Variants in NUTF2 observed in about 807,000 individuals in gnomAD.
NUTF2 encodes the protein nuclear transport factor 2.
NUTF2 carries 3 observed loss-of-function variants against 18.5 expected under a neutral mutation model. That is an observed-to-expected ratio of 0.16 (90% CI 0.07 to 0.42). The LOEUF (loss-of-function observed/expected upper bound fraction) is 0.42. Among genes scored for constraint, NUTF2 ranks in the 10% least tolerant of loss-of-function variants. The probability of loss-of-function intolerance (pLI) is 0.99; values close to 1 mark genes in which losing one functional copy is unlikely to be tolerated. For missense variants in NUTF2, 44 were observed against 160.7 expected (o/e 0.27, Z 3.93); for synonymous variants, 51 against 57.9 (o/e 0.88, Z 0.54).
intron 1 of NUTF2, among the ~76,000 whole-genome samples, chr16:67,849,302 A>G (rs1402337757): frequency 6.6e-6 from 1 of 152,228 alleles, no homozygotes; most frequent in Non-Finnish European, 1.5e-5. Flanking sequence ...GCTATGGCGT[A>G]GTTTGCGTAT....
intron 1 of NUTF2, among the ~76,000 whole-genome samples, chr16:67,861,240 C>T (rs537796324): frequency 6.6e-6 from 1 of 152,334 alleles, no homozygotes; most frequent in Admixed American, 6.5e-5. Context: ...GGGGTTGACT[C>T]ACAGGGTGTG....
chr16:67,847,841 CG>C (rs2057818363), intron 1 of NUTF2: 1 of 152,242 alleles, frequency 6.6e-6, no homozygotes, highest in Non-Finnish European at 1.5e-5. Flanking sequence ...ACTTAATGCA[CG>C]GGAAGTAGAA....
chr16:67,848,106 C>T (rs996557926), intron 1 of NUTF2, among the ~76,000 whole-genome samples: 1 of 152,216 alleles, frequency 6.6e-6, no homozygotes, highest in Non-Finnish European at 1.5e-5. Flanking sequence ...ATCAGAGACC[C>T]TACTGAGTTC....
chr16:67,853,142 T>C (rs1317075960), intron 1 of NUTF2, among the ~76,000 whole-genome samples: 2 of 152,152 alleles, frequency 1.3e-5, no homozygotes, highest in African/African-American at 2.4e-5. Flanking sequence ...GGTATGGTGG[T>C]GGGTGCCTGT....
chr16:67,850,191 G>A (rs1375006773), intron 1 of NUTF2, among the ~76,000 whole-genome samples: 1 of 151,442 alleles, frequency 6.6e-6, no homozygotes, highest in Non-Finnish European at 1.5e-5. Context: ...CCAACCTCTA[G>A]AAGTTCCCTG....
chr16:67,856,021 T>A, intron 1 of NUTF2: 1 of 996,058 alleles, frequency 1.0e-6, no homozygotes, highest in Non-Finnish European at 1.6e-6. Flanking sequence ...TGAAGCGTAC[T>A]GTCTTGCTCA....
intron 1 of NUTF2, among the ~76,000 whole-genome samples, chr16:67,848,144 A>C (rs1470072181): frequency 6.6e-6 from 1 of 152,228 alleles, no homozygotes; most frequent in East Asian, 1.9e-4. Flanking sequence ...TTGACCAAAA[A>C]ATACTATCCT....
Position 67,868,615 on chromosome 16 carries a change from C to T in NUTF2, c.270+16C>T, listed in dbSNP as rs1252520041. ...CCAGCTTAAGGTAATGGTACTGCCA[C>T]AGTGGTAGGGAGGGGTGGGCAGGCA... On this transcript the variant is annotated intron_variant, in intron 4 of 4. Coordinates refer to ENST00000219169, the MANE Select transcript of NUTF2 (RefSeq NM_005796.3). 9 of 1,609,628 alleles carry T rather than the reference C, an allele frequency of 5.6e-6. No homozygotes were observed. The South Asian group carries it at 7.7e-5, about 14-fold the overall frequency.
chr16:67,858,435 G>A (rs1247470346), intron 1 of NUTF2, among the ~76,000 whole-genome samples: 1 of 152,194 alleles, frequency 6.6e-6, no homozygotes, highest in Non-Finnish European at 1.5e-5. Flanking sequence ...CCAAAGTGCT[G>A]GGATTACAGG....
intron 1 of NUTF2, among the ~76,000 whole-genome samples, chr16:67,857,987 C>T (rs924278103): frequency 1.3e-5 from 2 of 152,180 alleles, no homozygotes; most frequent in African/African-American, 2.4e-5. Context: ...CACTCATGCA[C>T]TTAGTCAACA....
At chr16:67,868,801 G>A (rs2057992349) in intron 4 of NUTF2, 3 of 485,984 alleles carry the variant, frequency 6.2e-6, no homozygotes, top group Non-Finnish European at 1.1e-5. Context: ...TAAATAAAAT[G>A]TACTTCTTCG....
chr16:67,862,935 C>T (rs1377513065), intron 1 of NUTF2, among the ~76,000 whole-genome samples: 1 of 152,204 alleles, frequency 6.6e-6, no homozygotes, highest in African/African-American at 2.4e-5. Flanking sequence ...AGATGTGGCC[C>T]TTATCCATTC....
At chr16:67,868,239 C>A in intron 2 of NUTF2, 101 bp from the exon 3 acceptor site, 1 of 1,012,062 alleles carries the variant, frequency 9.9e-7, no homozygotes, top group Non-Finnish European at 1.5e-6. Flanking sequence ...TGAAGTGTGG[C>A]CACACTTCTC....
In NUTF2 at chr16:67,872,258, C is replaced by T. The variant is rs2058019070; in HGVS notation, c.*1345C>T. On this transcript the variant is annotated 3_prime_UTR_variant, in exon 5 of 5. Transcript: ENST00000219169. The stretch of plus-strand genomic sequence containing the variant: ...AGGGTTTTAGGATTGGTAAGGACAC[C>T]ACAGCTAAATCTGACATGTAAAAGG... The T allele has an allele frequency of 1.3e-5, 2 of 152,180 alleles. No individual in the cohort carries two copies. The allele number at this position is 152,180 out of a possible 1,614,324, so 9.4% of individuals were successfully genotyped here.
chr16:67,855,971 T>C, intron 1 of NUTF2: 1 of 1,213,148 alleles, frequency 8.2e-7, no homozygotes, highest in Non-Finnish European at 1.2e-6. Context: ...CTTCTGGAAC[T>C]GCTTCTTGGT....
At chr16:67,850,078 A>G (rs2057841476) in intron 1 of NUTF2, among the ~76,000 whole-genome samples, 1 of 151,246 alleles carries the variant, frequency 6.6e-6, no homozygotes, top group African/African-American at 2.4e-5. Flanking sequence ...AGATGTGAAC[A>G]ATTGCCCAGT....
chr16:67,851,513 T>A (rs532404696), intron 1 of NUTF2, among the ~76,000 whole-genome samples: 1 of 151,552 alleles, frequency 6.6e-6, no homozygotes, highest in Non-Finnish European at 1.5e-5. Flanking sequence ...TTGTTTTTTT[T>A]ATTATTATTA....
intron 1 of NUTF2, among the ~76,000 whole-genome samples, chr16:67,850,672 C>T (rs2057848106): frequency 6.6e-6 from 1 of 152,204 alleles, no homozygotes; most frequent in African/African-American, 2.4e-5. Flanking sequence ...TCATGTAGGG[C>T]TGACTTGGAA....
chr16:67,850,287 C>T (rs1253933392), intron 1 of NUTF2, among the ~76,000 whole-genome samples: 1 of 151,156 alleles, frequency 6.6e-6, no homozygotes, highest in African/African-American at 2.4e-5. Context: ...TCACTGCAAG[C>T]TCCGCCTCCC....
Sources: gnomAD v4.1 joint callset for allele counts (sites outside exome capture counted in the v4.1 genomes callset) on GRCh38, gnomAD v4.1.1 for gene constraint, MANE v1.5 for transcripts, NCBI Gene and HGNC (gene_info 2026-07-23, HGNC 2026-07-21) for gene names.